Variants in CTNND2 observed in about 807,000 individuals in gnomAD.
CTNND2 encodes the protein catenin delta 2, also known as catenin delta-2.
CTNND2 carries 22 observed loss-of-function variants against 144.4 expected under a neutral mutation model. That is an observed-to-expected ratio of 0.15 (90% CI 0.11 to 0.22). The LOEUF is 0.22. Among genes scored for constraint, CTNND2 ranks in the 10% least tolerant of loss-of-function variants. The pLI, the probability that CTNND2 is intolerant of heterozygous loss-of-function variation, is 1.00. For synonymous variants in CTNND2, 751 were observed against 695.6 expected (o/e 1.08, Z -1.25); for missense variants, 1,353 against 1,618.8 (o/e 0.84, Z 2.82).
intron 11 of CTNND2, among the ~76,000 whole-genome samples, chr5:11,185,593 C>T (rs1169279600): frequency 1.3e-5 from 2 of 152,194 alleles, no homozygotes; most frequent in Non-Finnish European, 2.9e-5. Flanking sequence ...ATGGCAACGA[C>T]AACAGCCGTC....
intron 9 of CTNND2, among the ~76,000 whole-genome samples, chr5:11,256,651 G>T (rs1744283024): frequency 6.6e-6 from 1 of 152,180 alleles, no homozygotes; most frequent in Admixed American, 6.5e-5. Context: ...TCAGTGGCTT[G>T]CTCTCTGGCT....
chr5:11,764,025 T>C (rs1789435002), intron 1 of CTNND2, among the ~76,000 whole-genome samples: 1 of 151,964 alleles, frequency 6.6e-6, no homozygotes. Context: ...TAGCTGGCTG[T>C]GAGATGTGGA....
At chr5:10,975,549 G>A (rs920963934) in intron 21 of CTNND2, among the ~76,000 whole-genome samples, 24 of 152,108 alleles carry the variant, frequency 1.6e-4, no homozygotes, top group African/African-American at 5.1e-4. Flanking sequence ...TCTCCAAAAC[G>A]TCATAGCTAG....
chr5:11,432,904 C>A (rs1440652290), intron 3 of CTNND2, among the ~76,000 whole-genome samples: 1 of 152,112 alleles, frequency 6.6e-6, no homozygotes, highest in African/African-American at 2.4e-5. Context: ...ATTTACTCCA[C>A]ATTAAGTTTT....
chr5:11,409,404 A>G (rs1761343103), intron 5 of CTNND2, among the ~76,000 whole-genome samples: 2 of 152,214 alleles, frequency 1.3e-5, no homozygotes, highest in South Asian at 2.1e-4. Context: ...TAAAACCTTT[A>G]AAAGTTATTT....
At chr5:11,277,592 T>TA (rs1280664590) in intron 9 of CTNND2, among the ~76,000 whole-genome samples, 1 of 151,774 alleles carries the variant, frequency 6.6e-6, no homozygotes, top group African/African-American at 2.4e-5. Context: ...AGTGCAGTGG[T>TA]ACGATCTGAA....
At chr5:11,826,474 A>T (rs993424601) in intron 1 of CTNND2, among the ~76,000 whole-genome samples, 1 of 152,090 alleles carries the variant, frequency 6.6e-6, no homozygotes, top group Admixed American at 6.5e-5. Flanking sequence ...TAACACAATG[A>T]TCAAAATGGT....
At chr5:11,706,607 C>A (rs1469723025) in intron 2 of CTNND2, among the ~76,000 whole-genome samples, 4 of 152,212 alleles carry the variant, frequency 2.6e-5, no homozygotes, top group African/African-American at 9.7e-5. Context: ...GGCCCGCAGG[C>A]ATCCACTGAT....
At chr5:11,385,481 G>A (rs1758993582) in intron 6 of CTNND2, among the ~76,000 whole-genome samples, 1 of 152,218 alleles carries the variant, frequency 6.6e-6, no homozygotes, top group Non-Finnish European at 1.5e-5. Context: ...AATGAGACCT[G>A]TGTTTGCTTA....
At chr5:11,897,699 C>A (rs1737505591) in intron 1 of CTNND2, among the ~76,000 whole-genome samples, 1 of 152,166 alleles carries the variant, frequency 6.6e-6, no homozygotes, top group Admixed American at 6.5e-5. Flanking sequence ...ATAGTTGCTA[C>A]AAATCAACCA....
chr5:11,197,822 G>A (rs529262061), intron 11 of CTNND2, among the ~76,000 whole-genome samples: 12 of 152,314 alleles, frequency 7.9e-5, no homozygotes, highest in South Asian at 6.2e-4. Context: ...CCTTTGGCAC[G>A]TGGCTGAGTT....
At chr5:11,752,361 T>C (rs1276109475) in intron 1 of CTNND2, among the ~76,000 whole-genome samples, 1 of 151,808 alleles carries the variant, frequency 6.6e-6, no homozygotes, top group African/African-American at 2.4e-5. Context: ...AGTTGATTTA[T>C]GTAAGGAAGG....
intron 2 of CTNND2, among the ~76,000 whole-genome samples, chr5:11,572,168 C>G (rs1315179979): frequency 6.6e-6 from 1 of 152,100 alleles, no homozygotes; most frequent in Non-Finnish European, 1.5e-5. Flanking sequence ...ATCTAAAACG[C>G]CCCAGGTCTT....
chr5:11,028,021 G>C (rs1242146797), intron 16 of CTNND2, among the ~76,000 whole-genome samples: 2 of 152,208 alleles, frequency 1.3e-5, no homozygotes, highest in South Asian at 2.1e-4. Flanking sequence ...AATGTTGAGT[G>C]GTGGTCTTAT....
At chr5:11,476,069 C>G (rs1323116681) in intron 3 of CTNND2, among the ~76,000 whole-genome samples, 1 of 149,496 alleles carries the variant, frequency 6.7e-6, no homozygotes, top group Non-Finnish European at 1.5e-5. Context: ...TGGGATTTCA[C>G]CATGTTGCCC....
chr5:11,483,562 G>A (rs1355131173), intron 3 of CTNND2, among the ~76,000 whole-genome samples: 1 of 152,204 alleles, frequency 6.6e-6, no homozygotes, highest in Non-Finnish European at 1.5e-5. Context: ...ACCTTTCAAT[G>A]GAGCATATGA....
At chr5:11,535,912 C>T (rs1204893201) in intron 3 of CTNND2, among the ~76,000 whole-genome samples, 1 of 152,166 alleles carries the variant, frequency 6.6e-6, no homozygotes, top group African/African-American at 2.4e-5. Context: ...GGGTCTAAAA[C>T]CAGAACTTTC....
intron 1 of CTNND2, among the ~76,000 whole-genome samples, chr5:11,812,600 T>A (rs1438095884): frequency 2.0e-5 from 3 of 152,102 alleles, no homozygotes; most frequent in Admixed American, 6.5e-5. Context: ...TTAGACCCCA[T>A]CCAGGTCTAA....
At chr5:11,562,285 CT>C (rs1005663521) in intron 3 of CTNND2, among the ~76,000 whole-genome samples, 6 of 152,026 alleles carry the variant, frequency 3.9e-5, no homozygotes, top group African/African-American at 1.4e-4. Context: ...AAATAGCCCT[CT>C]TTTTTTAAAA....
Sources: allele counts gnomAD v4.1 joint callset (sites outside exome capture counted in the v4.1 genomes callset), GRCh38; gene constraint gnomAD v4.1.1; transcripts MANE v1.5; gene names NCBI Gene and HGNC (gene_info 2026-07-23, HGNC 2026-07-21).